Variants in FMN1 observed in about 807,000 individuals in gnomAD.
FMN1 encodes the protein formin 1.
FMN1 carries 110 observed loss-of-function variants against 132.4 expected under a neutral mutation model. That is an observed-to-expected ratio of 0.83 (90% confidence interval 0.71 to 0.97). FMN1 has a LOEUF of 0.97. Among genes scored for constraint, FMN1 ranks in the 50% least tolerant of loss-of-function variants. FMN1 has a pLI of 0.00. For synonymous variants in FMN1, 722 were observed against 651.7 expected, an observed-to-expected ratio of 1.11 and a Z score of -1.64; for missense variants, 1,792 against 1,705.3, an observed-to-expected ratio of 1.05 and a Z score of -0.90.
chr15:32,773,038 T>C lies in FMN1; in HGVS notation c.*1272A>G, dbSNP rs2056301645. On this transcript the variant is annotated 3_prime_UTR_variant, in exon 21 of 21. Coordinates refer to ENST00000616417, the MANE Select transcript of FMN1 (RefSeq NM_001277313.2). ...ATGAGTCTTTGATCATATTGTCCAT[T>C]CATCTCCAGTCCTCTTTCTTCACCC... 1.3e-5 allele frequency: 2 copies of C among 152,340 alleles called. No individual in the cohort carries two copies. Among genetic ancestry groups the C allele is most frequent in the South Asian group, 4.1e-4 (2 of 4,830 alleles). 9.4% of individuals were successfully genotyped at this position (152,340 alleles called of 1,614,324 possible).
chr15:33,174,826 T>C (rs1302871432), intron 3 of FMN1, among the ~76,000 whole-genome samples: 1 of 152,160 alleles, frequency 6.6e-6, no homozygotes, highest in East Asian at 1.9e-4. Flanking sequence ...AGCGGGACAA[T>C]CAGAAATCTT....
intron 4 of FMN1, among the ~76,000 whole-genome samples, chr15:33,101,762 C>T (rs1283607325): frequency 6.6e-6 from 1 of 152,094 alleles, no homozygotes; most frequent in Non-Finnish European, 1.5e-5. Context: ...TCTCATAGAC[C>T]TTCAACAACT....
At chr15:32,997,748 A>T (rs747349) in intron 7 of FMN1, among the ~76,000 whole-genome samples, 1 of 151,896 alleles carries the variant, frequency 6.6e-6, no homozygotes, top group Non-Finnish European at 1.5e-5. Flanking sequence ...ACCATACCCA[A>T]TTTTTTACAC....
At chr15:32,902,726 C>G (rs1332112170) in intron 12 of FMN1, among the ~76,000 whole-genome samples, 2 of 152,148 alleles carry the variant, frequency 1.3e-5, no homozygotes, top group African/African-American at 4.8e-5. Flanking sequence ...GAGTACTGAC[C>G]TACACACAGT....
At chr15:32,824,462 G>C (rs1250756121) in intron 17 of FMN1, among the ~76,000 whole-genome samples, 2 of 152,198 alleles carry the variant, frequency 1.3e-5, no homozygotes, top group Non-Finnish European at 2.9e-5. Flanking sequence ...ATGCTTATCA[G>C]TGGCAAGTCA....
intron 5 of FMN1, among the ~76,000 whole-genome samples, chr15:33,082,598 T>C (rs1463651219): frequency 6.6e-6 from 1 of 152,188 alleles, no homozygotes; most frequent in Non-Finnish European, 1.5e-5. Flanking sequence ...AGTGCTTCTC[T>C]AGTCTCTGAC....
rs201498579 is a variant in FMN1, at chr15:32,950,054, C to T, written c.3138+14053G>A. Among the ~76,000 whole-genome samples the T allele has an allele frequency of 3.5e-3, 17 of 4,912 alleles. 2 individuals carry two copies. Among genetic ancestry groups the T allele is most frequent in the Non-Finnish European group, 4.8e-3 (9 of 1,874 alleles). The allele number at this position is 4,912 out of a possible 152,430, so 3.2% of individuals were successfully genotyped here. ...ATATACACATATATATATATATACA[C>T]ATATATATATATATATATATATATA... is the stretch of plus-strand genomic sequence containing the variant. On this transcript the variant is annotated intron_variant, in intron 9 of 20. Coordinates refer to ENST00000616417, the MANE Select transcript of FMN1 (RefSeq NM_001277313.2).
At chr15:32,787,903 T>C (rs1231785956) in intron 19 of FMN1, among the ~76,000 whole-genome samples, 1 of 152,224 alleles carries the variant, frequency 6.6e-6, no homozygotes, top group Non-Finnish European at 1.5e-5. Flanking sequence ...TTTGTCCAAT[T>C]GTGTACTTTG....
chr15:32,861,574 G>A (rs924238692), intron 16 of FMN1, among the ~76,000 whole-genome samples: 4 of 152,166 alleles, frequency 2.6e-5, no homozygotes, highest in African/African-American at 9.7e-5. Context: ...CAGAATGCCT[G>A]GCACTCACAA....
At chr15:33,044,599 A>C (rs1023214101) in intron 6 of FMN1, among the ~76,000 whole-genome samples, 29 of 152,290 alleles carry the variant, frequency 1.9e-4, no homozygotes, top group African/African-American at 7.0e-4. Context: ...TACTCACCCC[A>C]GGATCTCCTC....
At chr15:33,111,090 A>G (rs542821002) in intron 4 of FMN1, among the ~76,000 whole-genome samples, 40 of 142,174 alleles carry the variant, frequency 2.8e-4, no homozygotes, top group African/African-American at 1.0e-3. Flanking sequence ...CTCATGGCAT[A>G]TTTCCATTTC....
intron 9 of FMN1, among the ~76,000 whole-genome samples, chr15:32,934,053 T>C (rs1031070631): frequency 5.3e-5 from 8 of 151,560 alleles, no homozygotes; most frequent in Admixed American, 4.6e-4. Context: ...TTTTGTCTTT[T>C]TCTATATTGA....
chr15:33,150,781 G>C, intron 4 of FMN1: 1 of 985,928 alleles, frequency 1.0e-6, no homozygotes, highest in Non-Finnish European at 1.2e-6. Context: ...AAAATACCTA[G>C]ATGTTATTTC....
At chr15:32,791,627 TAG>T (rs1461663778) in intron 19 of FMN1, among the ~76,000 whole-genome samples, 10 of 152,148 alleles carry the variant, frequency 6.6e-5, no homozygotes, top group Admixed American at 5.2e-4. Context: ...TGAGAGATGA[TAG>T]AGTCCTGAAT....
intron 6 of FMN1, among the ~76,000 whole-genome samples, chr15:33,020,555 G>A (rs553988997): frequency 2.6e-5 from 4 of 151,498 alleles, no homozygotes; most frequent in African/African-American, 7.3e-5. Context: ...GCTGAAGCAG[G>A]AGAACTGCTT....
At chr15:33,076,877 G>A (rs1180023275) in intron 5 of FMN1, among the ~76,000 whole-genome samples, 1 of 152,110 alleles carries the variant, frequency 6.6e-6, no homozygotes, top group East Asian at 1.9e-4. Flanking sequence ...GTTTACAGAG[G>A]GTAGAAAGGT....
chr15:32,881,704 G>A (rs1221625198), intron 16 of FMN1, among the ~76,000 whole-genome samples: 1 of 152,122 alleles, frequency 6.6e-6, no homozygotes, highest in African/African-American at 2.4e-5. Flanking sequence ...CTCATGGAGG[G>A]AAAGCCACTT....
intron 17 of FMN1, among the ~76,000 whole-genome samples, chr15:32,835,612 T>C (rs959639501): frequency 6.6e-6 from 1 of 152,008 alleles, no homozygotes; most frequent in African/African-American, 2.4e-5. Context: ...TGTTTTCAAA[T>C]AGATGTTATG....
chr15:32,878,443 G>A (rs112474448), intron 16 of FMN1, among the ~76,000 whole-genome samples: 59 of 152,182 alleles, frequency 3.9e-4, no homozygotes, highest in Middle Eastern at 3.2e-3. Context: ...ATATGGGCCA[G>A]GTGAGAAGGT....
Sources: allele counts gnomAD v4.1 joint callset (sites outside exome capture counted in the v4.1 genomes callset), GRCh38; gene constraint gnomAD v4.1.1; transcripts MANE v1.5; gene names NCBI Gene and HGNC (gene_info 2026-07-23, HGNC 2026-07-21).